Variants in RPS6KC1 observed in about 807,000 individuals in gnomAD.
RPS6KC1 encodes the protein inactive ribosomal protein S6 kinase delta-1.
Under a neutral mutation model 103.8 loss-of-function variants are expected in RPS6KC1, and 54 were observed. The observed-to-expected ratio is 0.52, with a 90% CI of 0.42 to 0.65. RPS6KC1 has a LOEUF of 0.65. RPS6KC1 is among the 30% of genes least tolerant of loss of function. The pLI, the probability that RPS6KC1 is intolerant of heterozygous loss-of-function variation, is 0.00. For missense variants in RPS6KC1, 1,151 were observed against 1,253.8 expected (o/e 0.92, Z 1.24); for synonymous variants, 439 against 438.7 (o/e 1.00, Z -0.01).
chr1:213,141,946 A>G (rs1210604101), intron 6 of RPS6KC1, among the ~76,000 whole-genome samples: 1 of 151,660 alleles, frequency 6.6e-6, no homozygotes, highest in Non-Finnish European at 1.5e-5. Context: ...TGCCTCAATT[A>G]TCTGTCTAGT....
At chr1:213,631,378 C>CAAAAAAA in the RPS6KC1 span, among the ~76,000 whole-genome samples, 3 of 137,066 alleles carry the variant, frequency 2.2e-5, no homozygotes, top group African/African-American at 5.4e-5. Context: ...CTTTCTATGC[C>CAAAAAAA]AAAAAAAAAA....
chr1:213,670,013 A>G, the RPS6KC1 span, among the ~76,000 whole-genome samples: 1 of 152,156 alleles, frequency 6.6e-6, no homozygotes, highest in Non-Finnish European at 1.5e-5. Flanking sequence ...TTGTGTTATT[A>G]TCCTGGCTCT....
the RPS6KC1 span, among the ~76,000 whole-genome samples, chr1:213,851,341 C>T: frequency 6.6e-6 from 1 of 151,986 alleles, no homozygotes; most frequent in African/African-American, 2.4e-5. Context: ...GGCTTGGAAA[C>T]TTCACCTTCC....
At chr1:213,088,576 C>T (rs986557210) in intron 3 of RPS6KC1, among the ~76,000 whole-genome samples, 1 of 152,028 alleles carries the variant, frequency 6.6e-6, no homozygotes, top group Non-Finnish European at 1.5e-5. Context: ...AGGCTGGTCT[C>T]GAACTCCTGA....
intron 8 of RPS6KC1, among the ~76,000 whole-genome samples, chr1:213,181,966 T>C (rs2092291876): frequency 6.6e-6 from 1 of 152,168 alleles, no homozygotes; most frequent in South Asian, 2.1e-4. Context: ...TTGGAAATTA[T>C]CTTTTATGGT....
the RPS6KC1 span, among the ~76,000 whole-genome samples, chr1:213,604,267 T>C: frequency 0.034 from 5,115 of 152,360 alleles, 118 homozygotes; most frequent in Non-Finnish European, 0.05. Context: ...TGCAACTTGC[T>C]GTTCCAGCTT....
At chr1:213,153,143 C>G (rs2089434456) in intron 6 of RPS6KC1, among the ~76,000 whole-genome samples, 1 of 152,134 alleles carries the variant, frequency 6.6e-6, no homozygotes, top group African/African-American at 2.4e-5. Context: ...TCAGGAGAGT[C>G]AGGCAGGGAG....
the RPS6KC1 span, among the ~76,000 whole-genome samples, chr1:213,570,007 T>A: frequency 6.6e-6 from 1 of 152,172 alleles, no homozygotes; most frequent in Non-Finnish European, 1.5e-5. Context: ...GCAATTGGAC[T>A]TGGAGCTAGG....
At chr1:213,672,272 A>G in the RPS6KC1 span, among the ~76,000 whole-genome samples, 1 of 152,000 alleles carries the variant, frequency 6.6e-6, no homozygotes, top group Non-Finnish European at 1.5e-5. Context: ...TTTGGCCACA[A>G]CCTGATCTCT....
chr1:213,662,420 C>G, the RPS6KC1 span, among the ~76,000 whole-genome samples: 1 of 142,790 alleles, frequency 7.0e-6, no homozygotes, highest in South Asian at 2.4e-4. Flanking sequence ...TGCCATCACA[C>G]CTGGCTAATT....
At chr1:213,286,044 T>C in the RPS6KC1 span, among the ~76,000 whole-genome samples, 19 of 152,292 alleles carry the variant, frequency 1.2e-4, no homozygotes, top group Non-Finnish European at 8.8e-5. Flanking sequence ...ACAGATAATA[T>C]TGGAATGTCA....
At chr1:213,672,574 C>T in the RPS6KC1 span, among the ~76,000 whole-genome samples, 1 of 152,106 alleles carries the variant, frequency 6.6e-6, no homozygotes, top group Non-Finnish European at 1.5e-5. Context: ...TCTTATTACC[C>T]CTTTATCTCC....
chr1:213,169,185 C>G (rs1262457249), intron 7 of RPS6KC1, among the ~76,000 whole-genome samples: 4 of 152,140 alleles, frequency 2.6e-5, no homozygotes, highest in Non-Finnish European at 5.9e-5. Flanking sequence ...CCTTCATATA[C>G]CGGCTTATAT....
the RPS6KC1 span, among the ~76,000 whole-genome samples, chr1:213,342,873 C>A: frequency 6.6e-6 from 1 of 151,932 alleles, no homozygotes; most frequent in Non-Finnish European, 1.5e-5. Flanking sequence ...TTTGGCTGGG[C>A]ATGGTGGCTC....
the RPS6KC1 span, among the ~76,000 whole-genome samples, chr1:213,593,177 G>A: frequency 6.6e-6 from 1 of 151,728 alleles, no homozygotes; most frequent in Non-Finnish European, 1.5e-5. Context: ...CAGAGTCAGA[G>A]AGGCAGGCAG....
At chr1:213,627,188 G>A in the RPS6KC1 span, among the ~76,000 whole-genome samples, 6 of 152,120 alleles carry the variant, frequency 3.9e-5, no homozygotes, top group Non-Finnish European at 8.8e-5. Context: ...CTTTGAAGCA[G>A]TTGTGAATGG....
chr1:213,694,056 T>C, the RPS6KC1 span, among the ~76,000 whole-genome samples: 2 of 152,222 alleles, frequency 1.3e-5, no homozygotes, highest in Non-Finnish European at 2.9e-5. Flanking sequence ...AGCCAGCATC[T>C]TCACAATAAG....
chr1:213,069,675 C>CT (rs891623509), intron 1 of RPS6KC1, among the ~76,000 whole-genome samples: 2 of 152,028 alleles, frequency 1.3e-5, no homozygotes, highest in Non-Finnish European at 2.9e-5. Flanking sequence ...TTTGATTTAT[C>CT]TTTTTTTAAA....
At chr1:213,733,213 T>C in the RPS6KC1 span, among the ~76,000 whole-genome samples, 1 of 140,104 alleles carries the variant, frequency 7.1e-6, no homozygotes, top group African/African-American at 2.7e-5. Context: ...TTAGGGTTTT[T>C]TTGTTTTGTT....
Sources: allele counts gnomAD v4.1 joint callset (sites outside exome capture counted in the v4.1 genomes callset), GRCh38; gene constraint gnomAD v4.1.1; transcripts MANE v1.5; gene names NCBI Gene and HGNC (gene_info 2026-07-23, HGNC 2026-07-21).